SNX31: variants seen among roughly 807,000 people sequenced by gnomAD.
The protein encoded by SNX31 is sorting nexin 31, also known as sorting nexin-31.
Under a neutral mutation model 65.4 loss-of-function variants are expected in SNX31, and 58 were observed. The ratio of observed to expected loss-of-function variants is 0.89; its 90% CI spans 0.72 to 1.10. The LOEUF is 1.10. Among genes scored for constraint, SNX31 ranks in the 50% least tolerant of loss-of-function variants. The pLI, the probability that SNX31 is intolerant of heterozygous loss-of-function variation, is 0.00. For missense variants in SNX31, 523 were observed against 529.7 expected (o/e 0.99, Z 0.12); for synonymous variants, 181 against 190.1 (o/e 0.95, Z 0.39).
intron 10 of SNX31, among the ~76,000 whole-genome samples, chr8:100,593,784 T>C (rs965771437): frequency 6.6e-6 from 1 of 151,838 alleles, no homozygotes; most frequent in Non-Finnish European, 1.5e-5. Flanking sequence ...TCATGCTCCA[T>C]ACAAAAATTA....
rs761778256 is a variant in SNX31 at position 100,576,977 on chromosome 8, T to C, written c.1227+42A>G. ...TAAAGAGGAAAAAAGATCAGATTTA[T>C]CAAAATTATAATGTACCAATTACAT... On this transcript the variant is annotated intron_variant, in intron 13 of 13. Transcript: ENST00000311812. The surrounding 1 kb of genome is among the most constrained non-coding windows in gnomAD (Gnocchi z 4.8). 3 of 1,481,152 alleles carry C rather than the reference T, an allele frequency of 2.0e-6. No individual in the cohort carries two copies. The East Asian group carries it at 6.8e-5, about 34-fold the overall frequency. The allele number at this position is 1,481,152 out of a possible 1,614,324, so 91.8% of individuals were successfully genotyped here. A position where few individuals can be genotyped will look rare whatever the true frequency, so the allele number is the denominator to read the frequency against.
chr8:100,635,539 C>A (rs28626412), intron 3 of SNX31, among the ~76,000 whole-genome samples: 1 of 147,842 alleles, frequency 6.8e-6, no homozygotes, highest in Admixed American at 6.8e-5. Context: ...CCATGCCCAG[C>A]CAGACTTCAT....
At chr8:100,656,598 G>C (rs987219814) in intron 1 of SNX31, among the ~76,000 whole-genome samples, 1 of 118,952 alleles carries the variant, frequency 8.4e-6, no homozygotes, top group Non-Finnish European at 1.6e-5. Flanking sequence ...CCGAGATAAC[G>C]CCACTGCACT....
At position 100,576,512 on chromosome 8, in the gene SNX31, A is replaced by C. The variant is rs1288341069; in HGVS notation, c.1227+507T>G. 6.6e-6 allele frequency among the ~76,000 whole-genome samples: 1 copy of C among 152,232 alleles called. No homozygotes were observed. The highest frequency in any genetic ancestry group is 1.5e-5 in the Non-Finnish European group (1 of 68,032). ...CCTCAACTTATTTATAGGGCTGTGA[A>C]GGAATGTGTTAATTCACATAAAAGT... On this transcript the variant is annotated intron_variant, in intron 13 of 13. Coordinates refer to ENST00000311812, the MANE Select transcript of SNX31 (RefSeq NM_152628.4). The surrounding 1 kb of genome is among the most constrained non-coding windows in gnomAD (Gnocchi z 4.8).
chr8:100,607,183 T>C (rs1305008292), intron 8 of SNX31, among the ~76,000 whole-genome samples: 1 of 152,222 alleles, frequency 6.6e-6, no homozygotes, highest in Non-Finnish European at 1.5e-5. Flanking sequence ...CCCACCACCC[T>C]GCCTGCTGCC....
Position 100,612,940 on chromosome 8 carries a change from G to T in SNX31, c.523+55C>A. 6.7e-7 allele frequency: 1 copy of T among 1,495,668 alleles called. No homozygotes were observed. Among genetic ancestry groups the T allele is most frequent in the African/African-American group, 1.4e-5 (1 of 72,474 alleles). 92.6% of individuals were successfully genotyped at this position (1,495,668 alleles called of 1,614,324 possible). On this transcript the variant is annotated intron_variant, in intron 6 of 13. Coordinates refer to ENST00000311812, the MANE Select transcript of SNX31 (RefSeq NM_152628.4). The surrounding 1 kb of genome is among the most constrained non-coding windows in gnomAD (Gnocchi z 4.3). Reference sequence around the variant, plus strand: ...TCAGCTGTGACTCCTATGAGCCCCTGCTCACACCTGTCCACCCCATCTCCT... The same window carrying T: ...TCAGCTGTGACTCCTATGAGCCCCTTCTCACACCTGTCCACCCCATCTCCT...
rs1212540140 is a variant in SNX31 at position 100,630,969 on chromosome 8, G to T, written c.257-578C>A. 6.6e-6 allele frequency among the ~76,000 whole-genome samples: 1 copy of T among 152,006 alleles called. No homozygotes were observed. Among genetic ancestry groups the T allele is most frequent in the Non-Finnish European group, 1.5e-5 (1 of 67,994 alleles). On this transcript the variant is annotated intron_variant, in intron 3 of 13. Coordinates refer to ENST00000311812, the MANE Select transcript of SNX31 (RefSeq NM_152628.4). This position sits in a 1 kb window ranked among gnomAD's most constrained non-coding sequence, Gnocchi z 5.3. ...TGCCCGGCTAATTTTTGTATTTTTAGTAGAGATGGGGTTTCACCATGTTGG... is the reference window on the plus strand; with the variant it reads ...TGCCCGGCTAATTTTTGTATTTTTATTAGAGATGGGGTTTCACCATGTTGG...
chr8:100,629,804 G>A lies in SNX31; in HGVS notation c.321+523C>T, dbSNP rs1587013379. Reference sequence around the variant, plus strand: ...ACCCATGACTCTTTAGACCAACAAAGGAAAGGGAGTTGCTGTATGTCATTC... The same window carrying A: ...ACCCATGACTCTTTAGACCAACAAAAGAAAGGGAGTTGCTGTATGTCATTC... On this transcript the variant is annotated intron_variant, in intron 4 of 13. Transcript: ENST00000311812. The surrounding 1 kb of genome is among the most constrained non-coding windows in gnomAD (Gnocchi z 5.1). Among the ~76,000 whole-genome samples the A allele has an allele frequency of 6.6e-6, 1 of 152,316 alleles. No homozygotes were observed. The highest frequency in any genetic ancestry group is 1.9e-4 in the East Asian group (1 of 5,190).
At chr8:100,596,587 A>G in intron 10 of SNX31, 52 bp downstream of exon 10, 1 of 1,496,900 alleles carries the variant, frequency 6.7e-7, no homozygotes. Context: ...TTGTCATCCA[A>G]GGGTACTAGG....
At position 100,635,920 on chromosome 8, in the gene SNX31, T is replaced by C; in HGVS notation, c.233A>G (p.Gln78Arg). Residue 78 changes from glutamine (Q) to arginine (R), a missense_variant, in exon 3 of 14, where the codon CAA (glutamine) becomes CGA (arginine). By Grantham distance (43) the Gln-to-Arg change is conservative. Coordinates refer to ENST00000311812, the MANE Select transcript of SNX31 (RefSeq NM_152628.4). ...TTAMADERRD[Q>R]LEQYLQNVTM... ...ACCATTTTGCAAATATTGTTCCAGT[T>C]GGTCCCTCCTCTCATCAGCCATAGC... The C allele has an allele frequency of 6.2e-7, 1 of 1,613,858 alleles. No homozygotes were observed. The highest frequency in any genetic ancestry group is 8.5e-7 in the Non-Finnish European group (1 of 1,179,728).
At chr8:100,659,672 A>G (rs532085151) in intron 1 of SNX31, among the ~76,000 whole-genome samples, 14 of 152,310 alleles carry the variant, frequency 9.2e-5, no homozygotes, top group African/African-American at 3.4e-4. Context: ...AAACACAGAT[A>G]AACCAAAAGA....
chr8:100,641,613 C>CACAT (rs1334264136), intron 2 of SNX31, among the ~76,000 whole-genome samples: 2 of 68,676 alleles, frequency 2.9e-5, no homozygotes, highest in Non-Finnish European at 5.3e-5. Flanking sequence ...CACACACACA[C>CACAT]GCACACACGC....
chr8:100,593,524 G>C (rs1296065728), intron 10 of SNX31, among the ~76,000 whole-genome samples: 1 of 150,784 alleles, frequency 6.6e-6, no homozygotes, highest in Non-Finnish European at 1.5e-5. Flanking sequence ...CGTGATCTTG[G>C]CTCACTGCAA....
chr8:100,592,948 G>A (rs1269640776), intron 10 of SNX31, among the ~76,000 whole-genome samples: 1 of 152,154 alleles, frequency 6.6e-6, no homozygotes, highest in African/African-American at 2.4e-5. Context: ...GACTTTCTAT[G>A]TGTCCATTAA....
In SNX31 at chr8:100,584,197, T is replaced by A; in HGVS notation, c.1093-9A>T. 1 of 1,590,722 alleles carries A rather than the reference T, an allele frequency of 6.3e-7. No individual in the cohort carries two copies. The highest frequency in any genetic ancestry group is 1.1e-5 in the South Asian group (1 of 87,184). The stretch of plus-strand genomic sequence containing the variant: ...CTACTCAGCAAAAAAGCCTAAGAAA[T>A]GCAGGAATAAAGAACTCTTGTAACC... On this transcript the variant is annotated splice_polypyrimidine_tract_variant and intron_variant, in intron 11 of 13. Transcript: ENST00000311812.
At chr8:100,652,755 C>A (rs1819997076), upstream of SNX31, among the ~76,000 whole-genome samples, 1 of 152,046 alleles carries the variant, frequency 6.6e-6, no homozygotes. Context: ...TCTCCTGAGT[C>A]CTTCACACCC....
At chr8:100,661,987 G>A (rs965463728) in intron 1 of SNX31, among the ~76,000 whole-genome samples, 1 of 152,148 alleles carries the variant, frequency 6.6e-6, no homozygotes, top group Admixed American at 6.5e-5. Context: ...TCCACGTCCA[G>A]CTAATTTTTG....
At chr8:100,624,071 AG>A (rs1417787655) in intron 4 of SNX31, among the ~76,000 whole-genome samples, 1 of 152,178 alleles carries the variant, frequency 6.6e-6, no homozygotes, top group Non-Finnish European at 1.5e-5. Flanking sequence ...TTAAAATTAA[AG>A]TTAGGGGAGA....
intron 12 of SNX31, among the ~76,000 whole-genome samples, chr8:100,577,432 C>A (rs752045014): frequency 3.5e-4 from 53 of 152,184 alleles, no homozygotes; most frequent in African/African-American, 4.1e-4. Flanking sequence ...CAAAGCCCAG[C>A]GGGGCTTTGG....
Sources: allele counts gnomAD v4.1 joint callset (sites outside exome capture counted in the v4.1 genomes callset), GRCh38; gene constraint gnomAD v4.1.1; non-coding constraint Gnocchi (gnomAD v3.1); transcripts MANE v1.5; gene names NCBI Gene and HGNC (gene_info 2026-07-23, HGNC 2026-07-21).